CEACAM7: variants seen among roughly 807,000 people sequenced by gnomAD.
CEACAM7 encodes the protein cell adhesion molecule CEACAM7.
Under a neutral mutation model 25.7 loss-of-function variants are expected in CEACAM7, and 24 were observed. That is an observed-to-expected ratio of 0.93 (90% CI 0.68 to 1.31). The LOEUF (loss-of-function observed/expected upper bound fraction) is 1.31. CEACAM7 is among the 40% of genes most tolerant of loss of function. The pLI is 0.00. For missense variants in CEACAM7, 324 were observed against 330.1 expected (o/e 0.98, Z 0.14); for synonymous variants, 144 against 129.4 (o/e 1.11, Z -0.77).
Position 41,679,968 on chromosome 19 carries a change from A to ATT in CEACAM7, c.707-2467_707-2466dup, listed in dbSNP as rs35163344. On this transcript the variant is annotated intron_variant, in intron 3 of 4. Transcript: ENST00000401731. Reference sequence around the variant, plus strand: ...AGGCGTGTGCCACCACACCTGGCTAATTTTTTTTTTTTTTTTTTTTTTTTT... The same window carrying ATT: ...AGGCGTGTGCCACCACACCTGGCTAATTTTTTTTTTTTTTTTTTTTTTTTTTT... Among the ~76,000 whole-genome samples the ATT allele has an allele frequency of 2.4e-3, 164 of 68,880 alleles. 4 individuals are homozygous for ATT. The highest frequency in any genetic ancestry group is 7.3e-3 in the African/African-American group (122 of 16,766). The allele number at this position is 68,880 out of a possible 152,430, so 45.2% of individuals were successfully genotyped here. A position where few individuals can be genotyped will look rare whatever the true frequency, so the allele number is the denominator to read the frequency against.
chr19:41,684,063 G>T lies in CEACAM7; in HGVS notation c.428C>A (p.Ser143Ter). 1 of 1,613,520 alleles carries T rather than the reference G, an allele frequency of 6.2e-7. No individual in the cohort carries two copies. The highest frequency in any genetic ancestry group is 1.6e-4 in the Middle Eastern group (1 of 6,062). The change falls in exon 3 of 5, where the codon TCG (serine) becomes TAG (stop). Residue 143 changes from serine to a stop codon, truncating the protein, a stop_gained and splice_region_variant. Coordinates refer to ENST00000401731, the MANE Select transcript of CEACAM7 (RefSeq NM_001291485.2). LOFTEE classifies it high-confidence loss of function. ...GGTGATGGAGGGCTTGGGTGGCTCC[G>T]CTGTGCAGATAAGAGAGAGAAAAGA... ...EEVTRQFYVF[S>*]EPPKPSITSN...
rs2072090489 is a variant in CEACAM7, at chr19:41,674,057, C to G, written c.*719G>C. The G allele has an allele frequency of 6.6e-6, 1 of 152,226 alleles. No individual in the cohort carries two copies. The highest frequency in any genetic ancestry group is 1.5e-5 in the Non-Finnish European group (1 of 68,048). The allele number at this position is 152,226 out of a possible 1,614,324, so 9.4% of individuals were successfully genotyped here. On this transcript the variant is annotated 3_prime_UTR_variant, in exon 5 of 5. Transcript: ENST00000401731. ...TTTGTTAATTTTTGCAACTGAGTCT[C>G]TATAGTACCCACTGTATTTATTTAT...
chr19:41,688,178 C>T lies in CEACAM7; in HGVS notation c.-13G>A, dbSNP rs781837381. ...AAGGGGACCCCATGGTCTCTGCTGC[C>T]TGCTTGTCCTCTGTGGAGAAGAGCT... On this transcript the variant is annotated 5_prime_UTR_variant, in exon 1 of 5. Transcript: ENST00000401731. The T allele has an allele frequency of 6.2e-7, 1 of 1,608,838 alleles. No homozygotes were observed. Among genetic ancestry groups the T allele is most frequent in the South Asian group, 1.1e-5 (1 of 90,638 alleles).
intron 2 of CEACAM7, among the ~76,000 whole-genome samples, chr19:41,684,373 G>A (rs1023821446): frequency 2.6e-5 from 4 of 152,216 alleles, no homozygotes; most frequent in African/African-American, 9.6e-5. Flanking sequence ...CCTGATGGCT[G>A]CCTACCTGGC....
At chr19:41,684,647 G>A (rs2072209373) in intron 2 of CEACAM7, among the ~76,000 whole-genome samples, 1 of 152,184 alleles carries the variant, frequency 6.6e-6, no homozygotes, top group East Asian at 1.9e-4. Flanking sequence ...AAGAGCTAGT[G>A]ACCGCCAGGA....
chr19:41,687,770 G>A (rs1205488365), intron 1 of CEACAM7, among the ~76,000 whole-genome samples: 1 of 152,232 alleles, frequency 6.6e-6, no homozygotes, highest in Non-Finnish European at 1.5e-5. Context: ...ATTTTCCAAT[G>A]CCTGAGGTTG....
At chr19:41,677,532 A>T in intron 3 of CEACAM7, 29 bp from the exon 4 acceptor site, 1 of 1,552,574 alleles carries the variant, frequency 6.4e-7, no homozygotes. Flanking sequence ...AGAAGGAATG[A>T]AGTTGATCTT....
intron 3 of CEACAM7, among the ~76,000 whole-genome samples, chr19:41,682,718 GT>G (rs2072187433): frequency 6.6e-6 from 1 of 152,216 alleles, no homozygotes. Flanking sequence ...CGTCCAAGGG[GT>G]TTCCTCCTCT....
rs1481661039 is a variant in CEACAM7 at position 41,673,916 on chromosome 19, C to G, written c.*860G>C. On this transcript the variant is annotated 3_prime_UTR_variant, in exon 5 of 5. Coordinates refer to ENST00000401731, the MANE Select transcript of CEACAM7 (RefSeq NM_001291485.2). ...TATTGTGACAATCAGGAGGATCACACCAAGAGTTTGAAGTATGATCCATAG... is the reference window on the plus strand; with the variant it reads ...TATTGTGACAATCAGGAGGATCACAGCAAGAGTTTGAAGTATGATCCATAG... 2.6e-5 allele frequency: 4 copies of G among 152,136 alleles called. No individual in the cohort carries two copies. The highest frequency in any genetic ancestry group is 5.9e-5 in the Non-Finnish European group (4 of 68,022). 9.4% of individuals were successfully genotyped at this position (152,136 alleles called of 1,614,324 possible).
chr19:41,680,113 T>A, intron 3 of CEACAM7, among the ~76,000 whole-genome samples: 1 of 150,168 alleles, frequency 6.7e-6, no homozygotes, highest in Non-Finnish European at 1.5e-5. Context: ...AGCCGTTGCA[T>A]CCAGCCAAAA....
At chr19:41,683,141 A>T (rs1555810832) in intron 3 of CEACAM7, among the ~76,000 whole-genome samples, 1 of 152,206 alleles carries the variant, frequency 6.6e-6, no homozygotes, top group East Asian at 1.9e-4. Context: ...GGATCCATGT[A>T]CCACGGACTG....
chr19:41,688,081 C>A (rs782040321), intron 1 of CEACAM7, 21 bp downstream of exon 1: 2 of 1,605,114 alleles, frequency 1.2e-6, no homozygotes, highest in Non-Finnish European at 1.7e-6. Context: ...CCCACCCACT[C>A]CCAGGAAGTC....
chr19:41,675,362 T>C (rs2072104042), intron 4 of CEACAM7, among the ~76,000 whole-genome samples: 1 of 152,208 alleles, frequency 6.6e-6, no homozygotes, highest in Admixed American at 6.5e-5. Flanking sequence ...AAGAAAAATA[T>C]TCCTTCAAAT....
intron 3 of CEACAM7, among the ~76,000 whole-genome samples, chr19:41,678,408 A>T (rs1016498171): frequency 6.6e-6 from 1 of 151,956 alleles, no homozygotes; most frequent in Non-Finnish European, 1.5e-5. Flanking sequence ...TGTATATATA[A>T]TACCTTCTGC....
intron 3 of CEACAM7, among the ~76,000 whole-genome samples, chr19:41,678,336 T>TGTATAC: frequency 6.6e-6 from 1 of 152,020 alleles, no homozygotes; most frequent in South Asian, 2.1e-4. Flanking sequence ...TATATGTATA[T>TGTATAC]GTATATGTAT....
At chr19:41,683,554 A>G (rs552656812) in intron 3 of CEACAM7, among the ~76,000 whole-genome samples, 7 of 152,296 alleles carry the variant, frequency 4.6e-5, no homozygotes, top group Non-Finnish European at 1.0e-4. Flanking sequence ...TGTTTCTCCC[A>G]TCACAGGCTG....
Position 41,687,026 on chromosome 19 carries a change from C to G in CEACAM7, c.260G>C (p.Ser87Thr). Residue 87 changes from serine (S) to threonine (T), a missense_variant, in exon 2 of 5, where the codon AGT becomes ACT. Ser to Thr is a moderately conservative substitution (Grantham distance 58, BLOSUM62 1). Coordinates refer to ENST00000401731, the MANE Select transcript of CEACAM7 (RefSeq NM_001291485.2). Reference sequence around the variant, plus strand: ...TGCGGGCCCTGGGGCATTTTCTTGACTTATATTTTTTACATATCCTATAAT... The same window carrying G: ...TGCGGGCCCTGGGGCATTTTCTTGAGTTATATTTTTTACATATCCTATAAT... ...YRIIGYVKNI[S>T]QENAPGPAHN... The G allele has an allele frequency of 1.2e-6, 2 of 1,613,880 alleles. No homozygotes were observed. Among genetic ancestry groups the G allele is most frequent in the Non-Finnish European group, 1.7e-6 (2 of 1,179,902 alleles).
intron 3 of CEACAM7, 127 bp from the exon 4 acceptor site, chr19:41,677,630 A>C: frequency 1.6e-6 from 1 of 624,810 alleles, no homozygotes; most frequent in Non-Finnish European, 2.8e-6. Flanking sequence ...TTTTGTGGGA[A>C]GGTTGCTGGG....
chr19:41,682,169 G>A (rs782696515), intron 3 of CEACAM7, among the ~76,000 whole-genome samples: 27 of 152,110 alleles, frequency 1.8e-4, no homozygotes, highest in Admixed American at 5.2e-4. Flanking sequence ...GAACTCCTGA[G>A]CTCAAGCGAG....
Sources: allele counts gnomAD v4.1 joint callset (sites outside exome capture counted in the v4.1 genomes callset), GRCh38; gene constraint gnomAD v4.1.1; transcripts MANE v1.5; gene names NCBI Gene and HGNC (gene_info 2026-07-23, HGNC 2026-07-21).